Variants in SYNE1 observed in about 807,000 individuals in gnomAD.
SYNE1 encodes the protein spectrin repeat containing nuclear envelope protein 1.
Under a neutral mutation model 1,111.0 loss-of-function variants are expected in SYNE1, and 616 were observed. That is an observed-to-expected ratio of 0.55 (90% CI 0.52 to 0.59). The LOEUF is 0.59. Among genes scored for constraint, SYNE1 ranks in the 20% least tolerant of loss-of-function variants. SYNE1 has a pLI of 0.00. For synonymous variants in SYNE1, 3,855 were observed against 3,825.8 expected (o/e 1.01, Z -0.28); for missense variants, 10,006 against 10,417.0 (o/e 0.96, Z 1.72).
rs748375969 is a variant in SYNE1, at chr6:152,151,969, C to A, written c.24302G>T (p.Arg8101Leu). 1.9e-6 allele frequency: 3 copies of A among 1,614,040 alleles called. No homozygotes were observed. The highest frequency in any genetic ancestry group is 1.3e-5 in the African/African-American group (1 of 74,930). Reference protein sequence around the residue: ...NLQKRVTSILRRLKHFIGQRE... With the variant: ...NLQKRVTSILLRLKHFIGQRE... ...AGGCATAGCAAAAACCTTGAGTCTG[C>A]GCAAGATGGAGGTGACACGCTTTTG... is the stretch of plus-strand genomic sequence containing the variant. Residue 8101 changes from arginine to leucine, a missense_variant, in exon 134 of 146, where the codon CGC becomes CTC. Physicochemically the swap from Arg to Leu is moderately radical, Grantham distance 102. Transcript: ENST00000367255.
At position 152,466,711 on chromosome 6, in the gene SYNE1, T is replaced by G. The variant is rs548890594; in HGVS notation, c.1633-633A>C. Among the ~76,000 whole-genome samples the G allele has an allele frequency of 3.3e-5, 5 of 152,072 alleles. No individual in the cohort carries two copies. In the South Asian group the frequency reaches 6.2e-4, roughly 19 times the overall value. Reference sequence around the variant, plus strand: ...AAAGTGAATACTATAAAATTGAGAATAGACAAAAAAGTTCTTAGGTAAATG... The same window carrying G: ...AAAGTGAATACTATAAAATTGAGAAGAGACAAAAAAGTTCTTAGGTAAATG... On this transcript the variant is annotated intron_variant, in intron 16 of 145. Coordinates refer to ENST00000367255, the MANE Select transcript of SYNE1 (RefSeq NM_182961.4).
intron 30 of SYNE1, 66 bp downstream of exon 30, chr6:152,444,343 ATC>A: frequency 6.4e-7 from 1 of 1,555,228 alleles, no homozygotes. Flanking sequence ...TGTATTCTTT[ATC>A]TCTCTGGTTC....
At chr6:152,178,105 C>A (rs904139984) in intron 129 of SYNE1, among the ~76,000 whole-genome samples, 5 of 151,952 alleles carry the variant, frequency 3.3e-5, no homozygotes, top group African/African-American at 1.2e-4. Flanking sequence ...AATAATATTC[C>A]TAACATTGTG....
At chr6:152,381,441 G>A in intron 55 of SYNE1, 79 bp from the exon 56 acceptor site, 1 of 1,433,558 alleles carries the variant, frequency 7.0e-7, no homozygotes, top group Non-Finnish European at 9.7e-7. Flanking sequence ...GTACACAGGG[G>A]GACCCTGTCC....
intron 110 of SYNE1, among the ~76,000 whole-genome samples, chr6:152,235,704 G>A (rs1317298862): frequency 6.6e-6 from 1 of 151,886 alleles, no homozygotes; most frequent in African/African-American, 2.4e-5. Flanking sequence ...CGTTTCTAGA[G>A]GAGCCATGTC....
chr6:152,377,669 A>C lies in SYNE1; in HGVS notation c.9010-757T>G, dbSNP rs1436333260. ...TATATATATATATATATATATATAT[A>C]TATCTCCAAAATTGAATCCTGTTTC... On this transcript the variant is annotated intron_variant, in intron 56 of 145. Transcript: ENST00000367255. Among the ~76,000 whole-genome samples the C allele has an allele frequency of 1.6e-4, 22 of 134,482 alleles. 1 individual carries two copies. Among genetic ancestry groups the C allele is most frequent in the South Asian group, 1.2e-3 (5 of 4,180 alleles). The allele number at this position is 134,482 out of a possible 152,430, so 88.2% of individuals were successfully genotyped here.
At chr6:152,378,895 G>T (rs1364616380) in intron 56 of SYNE1, among the ~76,000 whole-genome samples, 4 of 152,118 alleles carry the variant, frequency 2.6e-5, no homozygotes, top group African/African-American at 9.7e-5. Context: ...CTCTTGGTTT[G>T]TCAATTCTTT....
chr6:152,483,195 T>C lies in SYNE1; in HGVS notation c.1240A>G (p.Ile414Val), dbSNP rs777157137. 2 of 1,614,104 alleles carry C rather than the reference T, an allele frequency of 1.2e-6. No homozygotes were observed. The highest frequency in any genetic ancestry group is 4.5e-5 in the East Asian group (2 of 44,876). The change falls in exon 14 of 146, where the codon ATA (isoleucine) becomes GTA (valine). Residue 414 changes from isoleucine (I) to valine (V), a missense_variant. By Grantham distance (29) the Ile-to-Val change is conservative. Transcript: ENST00000367255. Reference sequence around the variant, plus strand: ...TCCGCTCTGTACAGCCAGGCACCTATGGTGCCCAGAGGTGCAGGAAGAGAT... The same window carrying C: ...TCCGCTCTGTACAGCCAGGCACCTACGGTGCCCAGAGGTGCAGGAAGAGAT... The part of the protein sequence containing the change: ...DKSLPAPLGT[I>V]GAWLYRAEVA...
intron 137 of SYNE1, chr6:152,145,358 G>A: frequency 1.2e-6 from 1 of 856,526 alleles, no homozygotes; most frequent in Non-Finnish European, 1.9e-6. Context: ...TAGTACAGCA[G>A]TAAGAGAGGA....
chr6:152,451,127 C>T lies in SYNE1; in HGVS notation c.3106G>A (p.Glu1036Lys). The T allele has an allele frequency of 1.2e-6, 2 of 1,614,104 alleles. No individual in the cohort carries two copies. The highest frequency in any genetic ancestry group is 1.7e-6 in the Non-Finnish European group (2 of 1,179,980). Residue 1036 changes from glutamate (E) to lysine (K), a missense_variant, in exon 26 of 146, where the codon GAA becomes AAA. Glu to Lys is a moderately conservative substitution (Grantham distance 56). Coordinates refer to ENST00000367255, the MANE Select transcript of SYNE1 (RefSeq NM_182961.4). ...VEKNRFLASV[E>K]ECRTELDRET... is the part of the protein sequence containing the mutation. ...CGATCCAGCTCAGTTCTGCATTCTT[C>T]TACAGAGGCTAAGAACCTATTCTTC...
At chr6:152,417,153 C>A (rs1177608996) in intron 40 of SYNE1, 138 bp from the exon 41 acceptor site, 17 of 1,284,520 alleles carry the variant, frequency 1.3e-5, no homozygotes, top group South Asian at 2.7e-5. Flanking sequence ...TACAGTGAAT[C>A]TTAGAAAATT....
intron 50 of SYNE1, among the ~76,000 whole-genome samples, 183 bp from the exon 51 acceptor site, chr6:152,395,854 T>C (rs1173034108): frequency 6.6e-6 from 1 of 152,166 alleles, no homozygotes; most frequent in East Asian, 1.9e-4. Context: ...AATAACAAAG[T>C]GAAAATCATG....
intron 3 of SYNE1, among the ~76,000 whole-genome samples, chr6:152,624,392 A>T (rs2128941796): frequency 6.6e-6 from 1 of 152,298 alleles, no homozygotes; most frequent in East Asian, 1.9e-4. Flanking sequence ...CTTTTTAAGT[A>T]ACTATAAAAA....
At chr6:152,426,604 A>C (rs531815193) in intron 38 of SYNE1, among the ~76,000 whole-genome samples, 1 of 152,366 alleles carries the variant, frequency 6.6e-6, no homozygotes, top group East Asian at 1.9e-4. Flanking sequence ...CAGTGTCTTC[A>C]TTTATAAGGA....
chr6:152,211,598 A>T lies in SYNE1; in HGVS notation c.22495-10T>A, dbSNP rs528364885. On this transcript the variant is annotated splice_polypyrimidine_tract_variant and intron_variant, in intron 123 of 145. Coordinates refer to ENST00000367255, the MANE Select transcript of SYNE1 (RefSeq NM_182961.4). ...TCTCGGCTTGAAACAACTATAATTT[A>T]AAAAAAAGAAGAACATACTTTAGAG... 7.5e-5 allele frequency: 120 copies of T among 1,604,528 alleles called. 1 individual carries two copies. The highest frequency in any genetic ancestry group is 3.3e-5 in the South Asian group (3 of 90,776).
intron 3 of SYNE1, among the ~76,000 whole-genome samples, chr6:152,625,882 T>C (rs1337060032): frequency 6.6e-6 from 1 of 152,166 alleles, no homozygotes; most frequent in Non-Finnish European, 1.5e-5. Flanking sequence ...TTTTTAAATC[T>C]CCTTTAGTAA....
chr6:152,289,877 T>C lies in SYNE1; in HGVS notation c.18012+3711A>G, dbSNP rs540615819. Among the ~76,000 whole-genome samples the C allele has an allele frequency of 4.3e-4, 65 of 151,708 alleles. 1 individual carries two copies. In the South Asian group the frequency reaches 7.5e-3, roughly 18 times the overall value. On this transcript the variant is annotated intron_variant, in intron 95 of 145. Coordinates refer to ENST00000367255, the MANE Select transcript of SYNE1 (RefSeq NM_182961.4). ...TCCTGACCTCGTGATCCGCCCGCCTTGGCCTCCCAAAGTGCTGGGATTACA... is the reference window on the plus strand; with the variant it reads ...TCCTGACCTCGTGATCCGCCCGCCTCGGCCTCCCAAAGTGCTGGGATTACA...
chr6:152,273,694 A>C (rs1285859661), intron 98 of SYNE1, among the ~76,000 whole-genome samples: 1 of 152,250 alleles, frequency 6.6e-6, no homozygotes, highest in Non-Finnish European at 1.5e-5. Flanking sequence ...CACATTCCCT[A>C]TCTCTTGAAA....
At chr6:152,605,279 G>A (rs930380742) in intron 3 of SYNE1, among the ~76,000 whole-genome samples, 1 of 152,066 alleles carries the variant, frequency 6.6e-6, no homozygotes, top group African/African-American at 2.4e-5. Context: ...AAGCAATGAT[G>A]AAATCTTGTA....
Sources: gnomAD v4.1 joint callset for allele counts (sites outside exome capture counted in the v4.1 genomes callset) on GRCh38, gnomAD v4.1.1 for gene constraint, MANE v1.5 for transcripts, NCBI Gene and HGNC (gene_info 2026-07-23, HGNC 2026-07-21) for gene names.